Variants in UTP4 observed in about 807,000 individuals in gnomAD.
The protein encoded by UTP4 is UTP4 small subunit processome component, also known as U3 small nucleolar RNA-associated protein 4 homolog.
Under a neutral mutation model 82.4 loss-of-function variants are expected in UTP4, and 45 were observed. That is an observed-to-expected ratio of 0.55 (90% CI 0.43 to 0.70). UTP4 has a LOEUF of 0.70. Ranked by LOEUF, UTP4 falls within the 30% of genes least tolerant of loss-of-function variation. UTP4 has a pLI of 0.00. For synonymous variants in UTP4, 348 were observed against 300.3 expected (o/e 1.16, Z -1.64); for missense variants, 819 against 858.3 (o/e 0.95, Z 0.57).
rs778053744 is a variant in UTP4, at chr16:69,150,689, A to C, written c.891A>C (p.Pro297=). ...ACGTGCGCACTGTGGCCCACAGCCC[A>C]ACAGCGCTGATATCTGGAGGTGGGT... ...THDVRTVAHS[P]TALISGGTDT... The change falls in exon 7 of 17, where the codon CCA becomes CCC. Residue 297 remains proline, a synonymous_variant. Coordinates refer to ENST00000314423, the MANE Select transcript of UTP4 (RefSeq NM_032830.3). 1 of 1,614,208 alleles carries C rather than the reference A, an allele frequency of 6.2e-7. No homozygotes were observed. Among genetic ancestry groups the C allele is most frequent in the Admixed American group, 1.7e-5 (1 of 60,030 alleles).
intron 4 of UTP4, 76 bp from the exon 5 acceptor site, chr16:69,139,749 T>C: frequency 1.1e-6 from 1 of 922,128 alleles, no homozygotes; most frequent in Admixed American, 1.7e-5. Context: ...TAGAGATAGT[T>C]GTGGGAAGAG....
chr16:69,156,892 G>A (rs1240305363), intron 11 of UTP4, among the ~76,000 whole-genome samples, 192 bp from the exon 12 acceptor site: 1 of 152,216 alleles, frequency 6.6e-6, no homozygotes, highest in Non-Finnish European at 1.5e-5. Flanking sequence ...CCTTGATAGA[G>A]AAGTGAATAT....
chr16:69,168,582 A>G (rs1329899203), intron 16 of UTP4, among the ~76,000 whole-genome samples: 1 of 152,152 alleles, frequency 6.6e-6, no homozygotes, highest in Non-Finnish European at 1.5e-5. Flanking sequence ...ATGTCTATGA[A>G]TGACCACTGC....
intron 6 of UTP4, among the ~76,000 whole-genome samples, chr16:69,147,834 G>T (rs1205108610): frequency 6.6e-6 from 1 of 152,096 alleles, no homozygotes; most frequent in Non-Finnish European, 1.5e-5. Context: ...TCTACTTGTG[G>T]TGTCATGTTA....
At chr16:69,151,315 CT>C (rs200562360) in intron 8 of UTP4, among the ~76,000 whole-genome samples, 16,538 of 141,822 alleles carry the variant, frequency 0.12, 1,177 homozygotes, top group Middle Eastern at 0.24. Flanking sequence ...CTTTGTGGTC[CT>C]TTTTTTTTCT....
intron 15 of UTP4, chr16:69,166,786 G>C (rs1174905408): frequency 7.3e-6 from 3 of 410,472 alleles, no homozygotes; most frequent in African/African-American, 2.0e-5. Context: ...TTGCTGCATG[G>C]AGTTAACAAG....
rs765005420 is a variant in UTP4, at chr16:69,155,899, T to C, written c.1193T>C (p.Ile398Thr). ...CCTGAGAACATTATCTGTAGCTGTATCTCCCCATGTGGAAGTTGGATAGCC... is the reference window on the plus strand; with the variant it reads ...CCTGAGAACATTATCTGTAGCTGTACCTCCCCATGTGGAAGTTGGATAGCC... ...KGPENIICSC[I>T]SPCGSWIAYS... Residue 398 changes from isoleucine to threonine, a missense_variant, in exon 11 of 17, where the codon ATC (isoleucine) becomes ACC (threonine). Physicochemically the swap from Ile to Thr is moderately conservative, Grantham distance 89. Transcript: ENST00000314423. The C allele has an allele frequency of 1.9e-6, 3 of 1,613,956 alleles. No homozygotes were observed. The highest frequency in any genetic ancestry group is 2.5e-6 in the Non-Finnish European group (3 of 1,179,960).
At chr16:69,165,022 C>T (rs1963666904) in intron 14 of UTP4, among the ~76,000 whole-genome samples, 1 of 151,990 alleles carries the variant, frequency 6.6e-6, no homozygotes, top group African/African-American at 2.4e-5. Context: ...AGTGAAACCC[C>T]ATCTCTACTA....
At chr16:69,137,473 C>G (rs568901521) in intron 3 of UTP4, among the ~76,000 whole-genome samples, 1 of 152,242 alleles carries the variant, frequency 6.6e-6, no homozygotes, top group Non-Finnish European at 1.5e-5. Context: ...GTTAGTAGGT[C>G]TTTTATTTAG....
chr16:69,156,430 C>T (rs1290908575), intron 11 of UTP4, among the ~76,000 whole-genome samples: 1 of 148,640 alleles, frequency 6.7e-6, no homozygotes, highest in Non-Finnish European at 1.5e-5. Flanking sequence ...GTGCTGGGTG[C>T]TGGCATTACA....
At chr16:69,140,491 G>A (rs1962929504) in intron 5 of UTP4, among the ~76,000 whole-genome samples, 1 of 152,102 alleles carries the variant, frequency 6.6e-6, no homozygotes, top group Non-Finnish European at 1.5e-5. Flanking sequence ...CGAGGTGGGT[G>A]GATCACCTGA....
At chr16:69,153,720 G>C (rs752701954) in intron 9 of UTP4, 40 bp downstream of exon 9, 5 of 1,339,626 alleles carry the variant, frequency 3.7e-6, no homozygotes, top group Non-Finnish European at 4.3e-6. Flanking sequence ...GAAAACTGGA[G>C]AGAGAAGCCA....
chr16:69,160,556 G>GA (rs1963537619), intron 13 of UTP4, 94 bp downstream of exon 13: 1 of 881,340 alleles, frequency 1.1e-6, no homozygotes, highest in Non-Finnish European at 1.9e-6. Context: ...GGCATGACCT[G>GA]GAAATTTATT....
In UTP4 at chr16:69,157,134, T is replaced by C. The variant is rs765700167; in HGVS notation, c.1338T>C (p.Ser446=). The C allele has an allele frequency of 6.8e-6, 11 of 1,614,114 alleles. No homozygotes were observed. Among genetic ancestry groups the C allele is most frequent in the South Asian group, 1.1e-5 (1 of 91,088 alleles). Residue 446 remains serine (S), a synonymous_variant, in exon 12 of 17, where the codon TCT becomes TCC. Coordinates refer to ENST00000314423, the MANE Select transcript of UTP4 (RefSeq NM_032830.3). ...GCTCTGCCCTTCAGATTTTGTTTTC[T>C]GAAGATTCAACAAAGCTCTTTGTAG... ...FLRSALQILF[S]EDSTKLFVAS...
At chr16:69,152,824 A>G (rs545515496) in intron 8 of UTP4, among the ~76,000 whole-genome samples, 2 of 151,818 alleles carry the variant, frequency 1.3e-5, no homozygotes, top group East Asian at 1.9e-4. Flanking sequence ...AGATCTCACT[A>G]TCTTGCCCAG....
chr16:69,154,372 CAG>C lies in UTP4; in HGVS notation c.1100-20_1100-19del. On this transcript the variant is annotated intron_variant, in intron 9 of 16. Transcript: ENST00000314423. The stretch of plus-strand genomic sequence containing the variant: ...ACTCTTTCTTTCATAAGAAAAATCT[CAG>C]GGAAGTTTCTTGTTTCAGGCAAGAA... 6.3e-7 allele frequency: 1 copy of C among 1,587,230 alleles called. No homozygotes were observed. Among genetic ancestry groups the C allele is most frequent in the East Asian group, 2.2e-5 (1 of 44,676 alleles).
At chr16:69,146,781 G>C (rs2152279156) in intron 6 of UTP4, among the ~76,000 whole-genome samples, 1 of 151,926 alleles carries the variant, frequency 6.6e-6, no homozygotes, top group East Asian at 1.9e-4. Context: ...TGGATCACGA[G>C]GTCAGGAGAT....
chr16:69,141,483 A>T (rs1567601901), intron 5 of UTP4, among the ~76,000 whole-genome samples: 3 of 150,780 alleles, frequency 2.0e-5, no homozygotes, highest in Admixed American at 6.6e-5. Flanking sequence ...GACCTGTTTT[A>T]TTTTTTTTTC....
chr16:69,165,296 T>G (rs1963673686), intron 14 of UTP4, 45 bp from the exon 15 acceptor site: 1 of 1,570,470 alleles, frequency 6.4e-7, no homozygotes, highest in Non-Finnish European at 8.8e-7. Flanking sequence ...CTTCTGGTCT[T>G]TCTGAGTACC....
Sources: allele counts gnomAD v4.1 joint callset (sites outside exome capture counted in the v4.1 genomes callset), GRCh38; gene constraint gnomAD v4.1.1; transcripts MANE v1.5; gene names NCBI Gene and HGNC (gene_info 2026-07-23, HGNC 2026-07-21).